TMPO: variants seen among roughly 807,000 people sequenced by gnomAD.
TMPO encodes LEM domain containing 4.
In TMPO, 22 loss-of-function variants were observed where a neutral mutation model predicts 45.4. That is an observed-to-expected ratio of 0.48 (90% confidence interval 0.35 to 0.69). The LOEUF is 0.69. TMPO is among the 30% of genes least tolerant of loss of function. TMPO has a pLI of 0.01. For synonymous variants in TMPO, 241 were observed against 204.1 expected, an observed-to-expected ratio of 1.18 and a Z score of -1.54; for missense variants, 512 against 548.8, an observed-to-expected ratio of 0.93 and a Z score of 0.67.
chr12:98,528,982 G>T (rs1049012361), intron 2 of TMPO, among the ~76,000 whole-genome samples: 3 of 151,770 alleles, frequency 2.0e-5, no homozygotes, highest in African/African-American at 7.2e-5. Context: ...AAATAAATAA[G>T]GGAAAAAGAA....
intron 1 of TMPO, among the ~76,000 whole-genome samples, chr12:98,518,124 G>T (rs914033485): frequency 6.2e-5 from 9 of 145,974 alleles, no homozygotes; most frequent in African/African-American, 1.8e-4. Context: ...CAGCCTGGGG[G>T]ACAAGAGCGA....
intron 1 of TMPO, among the ~76,000 whole-genome samples, chr12:98,526,923 G>A (rs150861115): frequency 0.012 from 1,811 of 151,438 alleles, 33 homozygotes; most frequent in African/African-American, 0.041. Flanking sequence ...GCACCGCTGC[G>A]CTCCAGCCTG....
chr12:98,516,311 C>T (rs1875813147), intron 1 of TMPO, 165 bp downstream of exon 1: 12 of 1,231,932 alleles, frequency 9.7e-6, no homozygotes, highest in Non-Finnish European at 1.2e-5. Flanking sequence ...GCTGCAGGCG[C>T]CGGAGCGGAG....
In TMPO at chr12:98,528,006, A is replaced by C. The variant is rs745442874; in HGVS notation, c.400A>C (p.Ile134Leu). 3 of 1,613,742 alleles carry C rather than the reference A, an allele frequency of 1.9e-6. No individual in the cohort carries two copies. Among genetic ancestry groups the C allele is most frequent in the African/African-American group, 2.7e-5 (2 of 74,916 alleles). The change falls in exon 2 of 9, where the codon ATT (isoleucine) becomes CTT (leucine). Residue 134 changes from isoleucine (I) to leucine (L), a missense_variant. Ile to Leu is a conservative substitution (Grantham distance 5, BLOSUM62 2). This residue lies in a region of TMPO where 299 missense variants were observed against 296.7 expected (regional missense o/e 1.01). Coordinates refer to ENST00000556029, the MANE Select transcript of TMPO (RefSeq NM_001032283.3). ...GAAATACGGAGTGAATCCTGGTCCT[A>C]TTGTGGGTAAGTTGATAAAATTTCA... ...LVKYGVNPGP[I>L]VGTTRKLYEK...
At position 98,549,959 on chromosome 12, in the gene TMPO, T is replaced by C. The variant is rs1381147264; in HGVS notation, c.*2101T>C. ...AGATGAGCCATAGAGGGGGCACCTTTTACTCAACTTTTCTTTGTTTTGAAA... is the reference window on the plus strand; with the variant it reads ...AGATGAGCCATAGAGGGGGCACCTTCTACTCAACTTTTCTTTGTTTTGAAA... On this transcript the variant is annotated 3_prime_UTR_variant, in exon 9 of 9. Coordinates refer to ENST00000556029, the MANE Select transcript of TMPO (RefSeq NM_001032283.3). 6.6e-6 allele frequency: 1 copy of C among 152,220 alleles called. No individual in the cohort carries two copies. Among genetic ancestry groups the C allele is most frequent in the Non-Finnish European group, 1.5e-5 (1 of 68,036 alleles). 9.4% of individuals were successfully genotyped at this position (152,220 alleles called of 1,614,324 possible). A position where few individuals can be genotyped will look rare whatever the true frequency, so the allele number is the denominator to read the frequency against.
At chr12:98,520,868 G>A (rs1406447136) in intron 1 of TMPO, among the ~76,000 whole-genome samples, 5 of 151,706 alleles carry the variant, frequency 3.3e-5, no homozygotes, top group African/African-American at 9.7e-5. Flanking sequence ...CACCGCTCCC[G>A]GCCTCCAGGT....
chr12:98,517,559 G>A (rs1875956798), intron 1 of TMPO, among the ~76,000 whole-genome samples: 1 of 152,102 alleles, frequency 6.6e-6, no homozygotes, highest in African/African-American at 2.4e-5. Context: ...GTGTTTTCCC[G>A]GCTACTCAGG....
Position 98,516,095 on chromosome 12 carries a change from C to T in TMPO, c.228C>T (p.Val76=), listed in dbSNP as rs760772599. ...SSDEEREPTP[V]LGSGAAAAGR... Reference sequence around the variant, plus strand: ...ACGAAGAGCGCGAGCCCACCCCGGTCCTCGGCTCTGGGGCCGCCGCCGCGG... The same window carrying T: ...ACGAAGAGCGCGAGCCCACCCCGGTTCTCGGCTCTGGGGCCGCCGCCGCGG... The change falls in exon 1 of 9, where the codon GTC becomes GTT. Residue 76 remains valine, a synonymous_variant. Coordinates refer to ENST00000556029, the MANE Select transcript of TMPO (RefSeq NM_001032283.3). 4 of 1,582,284 alleles carry T rather than the reference C, an allele frequency of 2.5e-6. No homozygotes were observed. The East Asian group carries it at 6.9e-5, about 27-fold the overall frequency.
intron 1 of TMPO, among the ~76,000 whole-genome samples, chr12:98,520,079 C>T (rs902249630): frequency 2.5e-4 from 38 of 151,784 alleles, no homozygotes; most frequent in African/African-American, 8.7e-4. Context: ...CCTGCCTCAG[C>T]CTCCCAAGTA....
intron 4 of TMPO, among the ~76,000 whole-genome samples, chr12:98,539,279 A>G (rs1311357927): frequency 2.6e-5 from 4 of 152,100 alleles, no homozygotes; most frequent in Non-Finnish European, 5.9e-5. Context: ...ACTGAGGAGC[A>G]GAATAAATAG....
chr12:98,526,213 G>C (rs563715572), intron 1 of TMPO, among the ~76,000 whole-genome samples: 1 of 152,306 alleles, frequency 6.6e-6, no homozygotes, highest in East Asian at 1.9e-4. Flanking sequence ...CTGTGTCACA[G>C]GTGATAATTT....
intron 4 of TMPO, among the ~76,000 whole-genome samples, chr12:98,540,281 CA>C (rs1565815144): frequency 5.9e-5 from 9 of 152,342 alleles, no homozygotes; most frequent in African/African-American, 2.2e-4. Flanking sequence ...AGAAATTTTT[CA>C]TACCTGTGCT....
intron 1 of TMPO, among the ~76,000 whole-genome samples, chr12:98,525,073 A>G (rs1876663416): frequency 6.6e-6 from 1 of 152,244 alleles, no homozygotes; most frequent in Non-Finnish European, 1.5e-5. Context: ...GTTTTTCTGT[A>G]CTACCTGACT....
At chr12:98,528,941 C>T (rs1876984709) in intron 2 of TMPO, among the ~76,000 whole-genome samples, 1 of 151,406 alleles carries the variant, frequency 6.6e-6, no homozygotes, top group African/African-American at 2.4e-5. Context: ...CAGCCAGGGG[C>T]AGTGGAGCAA....
At chr12:98,543,004 C>G (rs1211834121) in intron 4 of TMPO, among the ~76,000 whole-genome samples, 1 of 152,152 alleles carries the variant, frequency 6.6e-6, no homozygotes. Flanking sequence ...CAGATTGTGA[C>G]TTAAAACTCT....
At chr12:98,532,282 G>C (rs904846901) in intron 3 of TMPO, 1 of 163,178 alleles carries the variant, frequency 6.1e-6, no homozygotes, top group Non-Finnish European at 1.3e-5. Flanking sequence ...TAAACAGTAT[G>C]CTAAATCTTA....
intron 1 of TMPO, among the ~76,000 whole-genome samples, chr12:98,520,873 C>T (rs1267640357): frequency 6.6e-6 from 1 of 151,822 alleles, no homozygotes; most frequent in Non-Finnish European, 1.5e-5. Context: ...CTCCCGGCCT[C>T]CAGGTCATAT....
In TMPO at chr12:98,542,533, G is replaced by A. The variant is rs150199596; in HGVS notation, c.664-1697G>A. Among the ~76,000 whole-genome samples the A allele has an allele frequency of 2.8e-3, 413 of 149,622 alleles. 3 individuals carry two copies. The highest frequency in any genetic ancestry group is 9.6e-3 in the African/African-American group (390 of 40,590). Reference sequence around the variant, plus strand: ...TCTCAGATTATAAAACTACCTTTCCGTCTATTCAAATAGTTGGTAATTTGA... The same window carrying A: ...TCTCAGATTATAAAACTACCTTTCCATCTATTCAAATAGTTGGTAATTTGA... On this transcript the variant is annotated intron_variant, in intron 4 of 8. Coordinates refer to ENST00000556029, the MANE Select transcript of TMPO (RefSeq NM_001032283.3).
rs1877360788 is a variant in TMPO at position 98,533,628 on chromosome 12, G to A, written c.565+1790G>A. 9.3e-6 allele frequency: 15 copies of A among 1,614,070 alleles called. No homozygotes were observed. The East Asian group carries it at 3.1e-4, about 34-fold the overall frequency. On this transcript the variant is annotated intron_variant, in intron 3 of 8. Coordinates refer to ENST00000556029, the MANE Select transcript of TMPO (RefSeq NM_001032283.3). ...AGAACATACCTGGATCCGAACTGAT[G>A]TCTTCTTTTGCCAAAACTGTTGTCT...
Sources: allele counts gnomAD v4.1 joint callset (sites outside exome capture counted in the v4.1 genomes callset), GRCh38; gene constraint gnomAD v4.1.1; regional missense constraint gnomAD v4.1.1; transcripts MANE v1.5; gene names NCBI Gene and HGNC (gene_info 2026-07-23, HGNC 2026-07-21).